Variants in MDFIC observed in about 807,000 individuals in gnomAD.
MDFIC encodes the protein myoD family inhibitor domain-containing protein.
Under a neutral mutation model 23.2 loss-of-function variants are expected in MDFIC, and 17 were observed. The ratio of observed to expected loss-of-function variants is 0.73; its 90% CI spans 0.50 to 1.10. MDFIC has a LOEUF of 1.10. Ranked by LOEUF, MDFIC falls within the 50% of genes least tolerant of loss-of-function variation. The pLI is 0.00. For missense variants in MDFIC, 356 were observed against 316.6 expected, an observed-to-expected ratio of 1.12 and a Z score of -0.95; for synonymous variants, 120 against 115.2, an observed-to-expected ratio of 1.04 and a Z score of -0.27.
At chr7:114,990,661 C>T (rs1793591684) in intron 4 of MDFIC, among the ~76,000 whole-genome samples, 1 of 152,178 alleles carries the variant, frequency 6.6e-6, no homozygotes, top group Non-Finnish European at 1.5e-5. Context: ...ATCCATGTCC[C>T]TACAAAGGAC....
intron 2 of MDFIC, among the ~76,000 whole-genome samples, chr7:114,938,688 G>C (rs575161884): frequency 1.4e-4 from 21 of 152,274 alleles, no homozygotes; most frequent in Admixed American, 5.2e-4. Flanking sequence ...CTTTGGGTTG[G>C]GGGGAATGTA....
chr7:114,984,022 T>C (rs1793465246), intron 4 of MDFIC, among the ~76,000 whole-genome samples: 2 of 152,002 alleles, frequency 1.3e-5, no homozygotes, highest in Admixed American at 6.5e-5. Context: ...AGGCAACAGG[T>C]GCATGGTAAA....
rs781625301 is a variant in MDFIC at position 114,922,593 on chromosome 7, G to C, written c.-151G>C. ...ACTTTCCGGGGCGGAAGAGGAGGAG[G>C]AGGAGGAGGAAGGGGCTTGGAGCGA... is the stretch of plus-strand genomic sequence containing the variant. On this transcript the variant is annotated 5_prime_UTR_variant, in exon 1 of 5. Coordinates refer to ENST00000393486, the MANE Select transcript of MDFIC (RefSeq NM_001166345.3). 7.9e-7 allele frequency: 1 copy of C among 1,269,574 alleles called. No homozygotes were observed. Among genetic ancestry groups the C allele is most frequent in the South Asian group, 3.5e-5 (1 of 28,982 alleles). 78.6% of individuals were successfully genotyped at this position (1,269,574 alleles called of 1,614,324 possible). A position where few individuals can be genotyped will look rare whatever the true frequency, so the allele number is the denominator to read the frequency against.
Position 114,926,632 on chromosome 7 carries a change from A to G in MDFIC, c.94+3505A>G, listed in dbSNP as rs1173968184. ...CTCTTGGGAGAGTCCTCTTGAGACT[A>G]TTAGGCGGACTTTTCTTAGCAGGAT... On this transcript the variant is annotated intron_variant, in intron 2 of 4. Transcript: ENST00000393486. 3.3e-5 allele frequency among the ~76,000 whole-genome samples: 5 copies of G among 152,308 alleles called. No homozygotes were observed. In the South Asian group the frequency reaches 1.0e-3, roughly 32 times the overall value.
chr7:114,944,717 T>C (rs896757753), intron 3 of MDFIC, among the ~76,000 whole-genome samples: 11 of 152,240 alleles, frequency 7.2e-5, no homozygotes, highest in African/African-American at 2.7e-4. Context: ...TGTATTTTCC[T>C]CTTGCTTAAG....
chr7:114,951,490 A>G (rs941257839), intron 3 of MDFIC, among the ~76,000 whole-genome samples: 1 of 152,238 alleles, frequency 6.6e-6, no homozygotes, highest in African/African-American at 2.4e-5. Flanking sequence ...ATACATATGT[A>G]TATGAAGGAA....
intron 3 of MDFIC, among the ~76,000 whole-genome samples, chr7:114,966,816 A>G (rs1793106439): frequency 6.6e-6 from 1 of 152,202 alleles, no homozygotes; most frequent in Admixed American, 6.5e-5. Flanking sequence ...CGTAGAGCAT[A>G]TGTAGAAGTT....
intron 2 of MDFIC, among the ~76,000 whole-genome samples, chr7:114,931,372 G>T (rs189688759): frequency 6.6e-6 from 1 of 152,202 alleles, no homozygotes; most frequent in Non-Finnish European, 1.5e-5. Flanking sequence ...ATATACATGT[G>T]CTTTTATGCC....
intron 3 of MDFIC, among the ~76,000 whole-genome samples, chr7:114,977,033 C>T (rs866678046): frequency 5.9e-5 from 9 of 151,772 alleles, no homozygotes; most frequent in South Asian, 4.2e-4. Flanking sequence ...CTTATAATCG[C>T]GAACAGAAAA....
At chr7:114,938,288 G>A (rs1792469269) in intron 2 of MDFIC, among the ~76,000 whole-genome samples, 1 of 152,088 alleles carries the variant, frequency 6.6e-6, no homozygotes, top group Admixed American at 6.5e-5. Context: ...ATCCTTACAT[G>A]GAGACAGAAA....
At chr7:114,943,689 C>G (rs375838251) in intron 3 of MDFIC, among the ~76,000 whole-genome samples, 3 of 152,154 alleles carry the variant, frequency 2.0e-5, no homozygotes, top group East Asian at 3.9e-4. Context: ...TTGTGAAACA[C>G]ATGATTTTGT....
intron 2 of MDFIC, among the ~76,000 whole-genome samples, chr7:114,926,858 C>T (rs1792201078): frequency 6.6e-6 from 1 of 152,144 alleles, no homozygotes; most frequent in African/African-American, 2.4e-5. Context: ...CTGTATTCTT[C>T]TATTTTTATC....
intron 3 of MDFIC, among the ~76,000 whole-genome samples, chr7:114,965,335 G>C (rs745754219): frequency 1.1e-4 from 16 of 152,190 alleles, no homozygotes; most frequent in Non-Finnish European, 2.2e-4. Flanking sequence ...TTTTATCCTG[G>C]AGATGGGTAA....
At chr7:115,001,852 C>G (rs1459796789) in intron 4 of MDFIC, among the ~76,000 whole-genome samples, 2 of 152,122 alleles carry the variant, frequency 1.3e-5, no homozygotes, top group African/African-American at 4.8e-5. Context: ...AAACTGGCCT[C>G]CTGGCCCGGC....
chr7:114,983,724 C>T (rs984738267), intron 4 of MDFIC, among the ~76,000 whole-genome samples: 6 of 151,816 alleles, frequency 4.0e-5, no homozygotes, highest in African/African-American at 9.7e-5. Flanking sequence ...CCCACCACCA[C>T]GCCTGGCTAA....
At chr7:114,976,727 TA>T (rs1793323616) in intron 3 of MDFIC, among the ~76,000 whole-genome samples, 1 of 152,182 alleles carries the variant, frequency 6.6e-6, no homozygotes, top group Non-Finnish European at 1.5e-5. Flanking sequence ...TCATTTTTCT[TA>T]AAATATGCTA....
At chr7:114,999,145 T>C (rs1022616965) in intron 4 of MDFIC, among the ~76,000 whole-genome samples, 2 of 152,146 alleles carry the variant, frequency 1.3e-5, no homozygotes, top group African/African-American at 2.4e-5. Flanking sequence ...TTTTACATGA[T>C]TTCATTTAAT....
intron 4 of MDFIC, among the ~76,000 whole-genome samples, chr7:114,994,260 G>C (rs1791262009): frequency 6.7e-6 from 1 of 148,296 alleles, no homozygotes; most frequent in African/African-American, 2.4e-5. Context: ...TGTGAGATGG[G>C]GCTCCTGAAT....
At chr7:115,012,934 G>A (rs935076370) in intron 4 of MDFIC, among the ~76,000 whole-genome samples, 8 of 152,024 alleles carry the variant, frequency 5.3e-5, no homozygotes, top group East Asian at 3.9e-4. Flanking sequence ...AGCCAAGATC[G>A]CGCCACTGCA....
Sources: gnomAD v4.1 joint callset for allele counts (sites outside exome capture counted in the v4.1 genomes callset) on GRCh38, gnomAD v4.1.1 for gene constraint, MANE v1.5 for transcripts, NCBI Gene and HGNC (gene_info 2026-07-23, HGNC 2026-07-21) for gene names.